Variants in DNM3 observed in about 807,000 individuals in gnomAD.
DNM3 encodes the protein dynamin-3.
In DNM3, 47 loss-of-function variants were observed where a neutral mutation model predicts 101.6. The ratio of observed to expected loss-of-function variants is 0.46; its 90% CI spans 0.37 to 0.59. DNM3 has a LOEUF of 0.59. Ranked by LOEUF, DNM3 falls within the 20% of genes least tolerant of loss-of-function variation. DNM3 has a pLI of 0.00. For missense variants in DNM3, 849 were observed against 1,085.7 expected (o/e 0.78, Z 3.06); for synonymous variants, 385 against 387.9 (o/e 0.99, Z 0.09).
intron 2 of DNM3, among the ~76,000 whole-genome samples, chr1:171,977,532 A>G (rs1187674649): frequency 6.6e-6 from 1 of 152,244 alleles, no homozygotes; most frequent in African/African-American, 2.4e-5. Flanking sequence ...TCATTGAAAT[A>G]ATAAAAAGTG....
At position 172,107,006 on chromosome 1, in the gene DNM3, A is replaced by G. The variant is rs370585262; in HGVS notation, c.1545+14131A>G. Among the ~76,000 whole-genome samples the G allele has an allele frequency of 3.5e-3, 525 of 149,010 alleles. 3 individuals are homozygous for G. Among genetic ancestry groups the G allele is most frequent in the Middle Eastern group, 6.9e-3 (2 of 288 alleles). On this transcript the variant is annotated intron_variant, in intron 13 of 20. Transcript: ENST00000627582. ...CTCCCGAGTAGCTGGGACTACAGGC[A>G]CCCGCCACCGCGCCCGGCTAATTTT... is the stretch of plus-strand genomic sequence containing the variant.
chr1:172,326,937 A>G (rs894536252), intron 17 of DNM3, among the ~76,000 whole-genome samples: 1 of 152,110 alleles, frequency 6.6e-6, no homozygotes, highest in Non-Finnish European at 1.5e-5. Context: ...ACTTAACTTC[A>G]GTATTGTTAA....
intron 14 of DNM3, among the ~76,000 whole-genome samples, chr1:172,174,694 G>A (rs908263036): frequency 6.6e-6 from 1 of 151,646 alleles, no homozygotes; most frequent in Non-Finnish European, 1.5e-5. Context: ...TGTCTACTGA[G>A]GGAAGATTGG....
At chr1:172,273,278 C>T (rs1478037841) in intron 15 of DNM3, among the ~76,000 whole-genome samples, 1 of 151,978 alleles carries the variant, frequency 6.6e-6, no homozygotes, top group Non-Finnish European at 1.5e-5. Context: ...GCTGTTGCAG[C>T]TAGGGTTGAG....
At chr1:172,215,065 A>G (rs2060643267) in intron 14 of DNM3, among the ~76,000 whole-genome samples, 2 of 152,190 alleles carry the variant, frequency 1.3e-5, no homozygotes, top group South Asian at 4.1e-4. Context: ...CTCAACAAAT[A>G]TCAAGTAAGC....
Position 172,025,922 on chromosome 1 carries a change from G to A in DNM3, c.590-6480G>A, listed in dbSNP as rs781537133. ...CTCCTCCAAAGGATCACAACTCCTC[G>A]TCGGAAAGGGAACAAAACTGGAAGG... On this transcript the variant is annotated intron_variant, in intron 4 of 20. Transcript: ENST00000627582. Among the ~76,000 whole-genome samples, 14 of 152,126 alleles carry A rather than the reference G, an allele frequency of 9.2e-5. No homozygotes were observed. The South Asian group carries it at 2.9e-3, about 32-fold the overall frequency.
intron 14 of DNM3, among the ~76,000 whole-genome samples, chr1:172,200,746 G>A (rs1391840911): frequency 6.6e-6 from 1 of 152,054 alleles, no homozygotes; most frequent in Non-Finnish European, 1.5e-5. Flanking sequence ...ATTTCTGTCA[G>A]ACTCATTAGA....
At chr1:172,265,488 A>T (rs1420460110) in intron 15 of DNM3, among the ~76,000 whole-genome samples, 1 of 152,150 alleles carries the variant, frequency 6.6e-6, no homozygotes, top group African/African-American at 2.4e-5. Flanking sequence ...TGGCTCTTTT[A>T]AAGATGGCAT....
intron 14 of DNM3, among the ~76,000 whole-genome samples, chr1:172,224,351 G>A (rs1180803317): frequency 6.6e-6 from 1 of 152,108 alleles, no homozygotes; most frequent in Non-Finnish European, 1.5e-5. Context: ...CTAAATTACT[G>A]AATTCATTTT....
chr1:172,218,574 C>T (rs533353832), intron 14 of DNM3, among the ~76,000 whole-genome samples: 252 of 151,892 alleles, frequency 1.7e-3, no homozygotes, highest in Middle Eastern at 0.01. Context: ...ACTATAGAAA[C>T]GTGGGGGTTT....
At chr1:172,250,545 G>A (rs1317805258) in intron 14 of DNM3, among the ~76,000 whole-genome samples, 1 of 152,128 alleles carries the variant, frequency 6.6e-6, no homozygotes, top group South Asian at 2.1e-4. Flanking sequence ...GAAATTGGAA[G>A]GCAAGAGACT....
intron 2 of DNM3, among the ~76,000 whole-genome samples, chr1:171,985,138 C>T (rs1178428632): frequency 1.3e-5 from 2 of 152,052 alleles, no homozygotes; most frequent in African/African-American, 4.8e-5. Flanking sequence ...AAATGTAGTT[C>T]CTGATCCAGA....
At chr1:171,989,735 A>G (rs1168635656) in intron 4 of DNM3, among the ~76,000 whole-genome samples, 3 of 152,156 alleles carry the variant, frequency 2.0e-5, no homozygotes, top group African/African-American at 7.2e-5. Flanking sequence ...GAATAACGAC[A>G]GTTTATCTTC....
At chr1:171,871,986 C>T (rs1333596197) in intron 1 of DNM3, among the ~76,000 whole-genome samples, 1 of 151,104 alleles carries the variant, frequency 6.6e-6, no homozygotes, top group Non-Finnish European at 1.5e-5. Context: ...TAAGCCTCTA[C>T]CGACTGCCAG....
intron 1 of DNM3, among the ~76,000 whole-genome samples, chr1:171,916,010 C>T (rs1250964939): frequency 6.6e-6 from 1 of 152,206 alleles, no homozygotes; most frequent in East Asian, 1.9e-4. Flanking sequence ...CCAGACAAGA[C>T]TTTTGTCCTG....
intron 14 of DNM3, among the ~76,000 whole-genome samples, chr1:172,215,414 G>A (rs74610556): frequency 6.6e-6 from 1 of 152,028 alleles, no homozygotes; most frequent in Non-Finnish European, 1.5e-5. Flanking sequence ...TGCTTGCTGG[G>A]AAATAGAATG....
In DNM3 at chr1:172,033,220, C is replaced by CG. The variant is rs1171978936; in HGVS notation, c.805dup (p.Ala269GlyfsTer2). On this transcript the variant is annotated frameshift_variant, in exon 6 of 21. Coordinates refer to ENST00000627582, the MANE Select transcript of DNM3 (RefSeq NM_015569.5). LOFTEE classifies it high-confidence loss of function. ...TTTCCCACCCGGCTTACAGACATAT[C>CG]GCTGACCGAATGGGAACCCCACACC... The CG allele has an allele frequency of 1.2e-6, 2 of 1,606,656 alleles. No homozygotes were observed. Among genetic ancestry groups the CG allele is most frequent in the Non-Finnish European group, 8.5e-7 (1 of 1,176,576 alleles).
chr1:172,216,435 A>G (rs2060701384), intron 14 of DNM3, among the ~76,000 whole-genome samples: 2 of 152,106 alleles, frequency 1.3e-5, no homozygotes, highest in Admixed American at 1.3e-4. Flanking sequence ...CCCATTTAAA[A>G]ATAAGCAGAA....
chr1:172,390,135 T>C (rs2069442043), intron 20 of DNM3, among the ~76,000 whole-genome samples: 1 of 152,244 alleles, frequency 6.6e-6, no homozygotes, highest in Non-Finnish European at 1.5e-5. Flanking sequence ...ATTTTTTTTC[T>C]CTAAATTCAA....
Sources: gnomAD v4.1 joint callset for allele counts (sites outside exome capture counted in the v4.1 genomes callset) on GRCh38, gnomAD v4.1.1 for gene constraint, MANE v1.5 for transcripts, NCBI Gene and HGNC (gene_info 2026-07-23, HGNC 2026-07-21) for gene names.